The following RELCH variants were observed in gnomAD, a reference collection of about 807,000 sequenced individuals.
RELCH encodes the protein RAB11-binding protein RELCH.
In RELCH, 41 loss-of-function variants were observed where a neutral mutation model predicts 150.3. The observed-to-expected ratio is 0.27, with a 90% CI of 0.21 to 0.35. The LOEUF (loss-of-function observed/expected upper bound fraction) is 0.35, where lower values mean the gene tolerates loss of function less well. Among genes scored for constraint, RELCH ranks in the 10% least tolerant of loss-of-function variants. The probability of loss-of-function intolerance (pLI) is 1.00; values close to 1 mark genes in which losing one functional copy is unlikely to be tolerated. For synonymous variants in RELCH, 478 were observed against 531.8 expected, an observed-to-expected ratio of 0.90 and a Z score of 1.39; for missense variants, 1,092 against 1,467.8, an observed-to-expected ratio of 0.74 and a Z score of 4.18.
chr18:62,208,536 G>A (rs575073032), intron 1 of RELCH, among the ~76,000 whole-genome samples: 2 of 152,100 alleles, frequency 1.3e-5, no homozygotes, highest in African/African-American at 2.4e-5. Context: ...GTTCGGGGGT[G>A]CATGTGCAGG....
At chr18:62,235,782 G>C (rs1180558556) in intron 10 of RELCH, among the ~76,000 whole-genome samples, 1 of 151,940 alleles carries the variant, frequency 6.6e-6, no homozygotes, top group African/African-American at 2.4e-5. Flanking sequence ...AACAACACTG[G>C]TCATTGTGTG....
At chr18:62,217,113 T>C (rs1275366523) in intron 2 of RELCH, among the ~76,000 whole-genome samples, 1 of 152,040 alleles carries the variant, frequency 6.6e-6, no homozygotes, top group Non-Finnish European at 1.5e-5. Flanking sequence ...ATATTTAATC[T>C]AAAAATAAAA....
At chr18:62,245,629 A>G (rs2042369899) in intron 11 of RELCH, among the ~76,000 whole-genome samples, 1 of 152,278 alleles carries the variant, frequency 6.6e-6, no homozygotes, top group East Asian at 1.9e-4. Flanking sequence ...GTCCGTCTCA[A>G]AAAAAACAAA....
At chr18:62,198,195 G>A (rs2039175990) in intron 1 of RELCH, among the ~76,000 whole-genome samples, 1 of 152,194 alleles carries the variant, frequency 6.6e-6, no homozygotes, top group Non-Finnish European at 1.5e-5. Context: ...TGTGATTGTA[G>A]GATATCTGGG....
At position 62,274,039 on chromosome 18, in the gene RELCH, A is replaced by G. The variant is rs766319007; in HGVS notation, c.2820A>G (p.Leu940=). 1 of 1,613,268 alleles carries G rather than the reference A, an allele frequency of 6.2e-7. No individual in the cohort carries two copies. Among genetic ancestry groups the G allele is most frequent in the South Asian group, 1.1e-5 (1 of 91,052 alleles). The change falls in exon 21 of 29, where the codon TTA becomes TTG. Residue 940 remains leucine (L), a synonymous_variant. Transcript: ENST00000644646. ...FLEDVMTLLS[L]SHAPLDSLKA... is the part of the protein sequence containing the mutation. ...AAGATGTAATGACGCTGCTTTCATT[A>G]TCTCATGCTCCTCTTGATAGCCTGA...
intron 10 of RELCH, among the ~76,000 whole-genome samples, chr18:62,240,891 C>T (rs1341909789): frequency 6.6e-6 from 1 of 151,862 alleles, no homozygotes; most frequent in Non-Finnish European, 1.5e-5. Context: ...TTGTGGAGTT[C>T]TAAATAAGGA....
chr18:62,286,729 T>G (rs900935938), intron 25 of RELCH, among the ~76,000 whole-genome samples: 2 of 152,194 alleles, frequency 1.3e-5, no homozygotes, highest in African/African-American at 4.8e-5. Flanking sequence ...AGGTGCTCAT[T>G]GCTACTGAAT....
intron 25 of RELCH, among the ~76,000 whole-genome samples, chr18:62,283,471 G>A (rs766782687): frequency 6.6e-6 from 1 of 152,118 alleles, no homozygotes; most frequent in Non-Finnish European, 1.5e-5. Context: ...TTAGTTTCTA[G>A]TACATTATTT....
intron 10 of RELCH, among the ~76,000 whole-genome samples, chr18:62,241,685 T>C (rs1213774344): frequency 6.6e-6 from 1 of 152,146 alleles, no homozygotes; most frequent in African/African-American, 2.4e-5. Context: ...TTCAGAATTA[T>C]AAGGAAAGTT....
chr18:62,220,795 A>G, intron 2 of RELCH: 1 of 507,228 alleles, frequency 2.0e-6, no homozygotes, highest in Non-Finnish European at 3.5e-6. Flanking sequence ...TCCTTGTCAG[A>G]CAGCTAGAAC....
chr18:62,219,089 A>T (rs2040666916), intron 2 of RELCH, among the ~76,000 whole-genome samples: 3 of 151,936 alleles, frequency 2.0e-5, no homozygotes, highest in Non-Finnish European at 4.4e-5. Context: ...CATGCAGCAG[A>T]GTGAATTCAT....
At chr18:62,212,373 T>TC (rs1428176248) in intron 2 of RELCH, among the ~76,000 whole-genome samples, 2 of 152,192 alleles carry the variant, frequency 1.3e-5, no homozygotes, top group East Asian at 3.8e-4. Context: ...TATCTTGAGC[T>TC]CCATCAAAAT....
At chr18:62,293,707 A>T (rs1461477830) in intron 27 of RELCH, among the ~76,000 whole-genome samples, 8 of 152,064 alleles carry the variant, frequency 5.3e-5, no homozygotes, top group Non-Finnish European at 8.8e-5. Flanking sequence ...AGAAGGAAAA[A>T]TTTTTAAAAT....
chr18:62,199,161 C>T (rs1455646278), intron 1 of RELCH, among the ~76,000 whole-genome samples: 2 of 150,620 alleles, frequency 1.3e-5, no homozygotes, highest in African/African-American at 4.9e-5. Context: ...TCTTCTAAAT[C>T]CTGTGCATCC....
chr18:62,218,637 T>C (rs2040632662), intron 2 of RELCH, among the ~76,000 whole-genome samples: 1 of 151,962 alleles, frequency 6.6e-6, no homozygotes, highest in Non-Finnish European at 1.5e-5. Flanking sequence ...TATACTGACT[T>C]TTAAGTGTTA....
rs1372618224 is a variant in RELCH at position 62,308,096 on chromosome 18, TG to T, written c.*2567del. ...TCACTACTATACACTATAATTCTAA[TG>T]GGGGTCTCAAGTCAAGGTGCTATCA... On this transcript the variant is annotated 3_prime_UTR_variant, in exon 29 of 29. Coordinates refer to ENST00000644646, the MANE Select transcript of RELCH (RefSeq NM_001346231.2). The T allele has an allele frequency of 4.6e-5, 7 of 152,218 alleles. No homozygotes were observed. The highest frequency in any genetic ancestry group is 1.0e-4 in the Non-Finnish European group (7 of 68,034). The allele number at this position is 152,218 out of a possible 1,614,324, so 9.4% of individuals were successfully genotyped here.
At chr18:62,286,764 C>T (rs932371549) in intron 25 of RELCH, among the ~76,000 whole-genome samples, 19 of 152,124 alleles carry the variant, frequency 1.2e-4, no homozygotes, top group Admixed American at 1.0e-3. Context: ...TGGACCATTG[C>T]TTTTATTTAG....
Position 62,287,440 on chromosome 18 carries a change from G to A in RELCH, c.3343G>A (p.Glu1115Lys). 1 of 1,596,642 alleles carries A rather than the reference G, an allele frequency of 6.3e-7. No individual in the cohort carries two copies. The highest frequency in any genetic ancestry group is 8.6e-7 in the Non-Finnish European group (1 of 1,165,406). The change falls in exon 26 of 29, where the codon GAA (glutamate) becomes AAA (lysine). Residue 1115 changes from glutamate to lysine, a missense_variant. This residue lies in a region of RELCH where 707 missense variants were observed against 1,025.4 expected (regional missense o/e 0.69). Coordinates refer to ENST00000644646, the MANE Select transcript of RELCH (RefSeq NM_001346231.2). Reference protein sequence around the residue: ...KRLDIATHLFEAYSALSCCFI... With the variant: ...KRLDIATHLFKAYSALSCCFI... ...ACTGGACATTGCTACGCATCTTTTTGAAGCCTACAGTGCACTTTCCTGTTG... is the reference window on the plus strand; with the variant it reads ...ACTGGACATTGCTACGCATCTTTTTAAAGCCTACAGTGCACTTTCCTGTTG...
intron 27 of RELCH, 111 bp downstream of exon 27, chr18:62,291,742 C>T: frequency 1.5e-6 from 1 of 673,238 alleles, no homozygotes; most frequent in South Asian, 1.9e-5. Flanking sequence ...TTAAATCTAG[C>T]TCAATGTCAT....
Sources: allele counts gnomAD v4.1 joint callset (sites outside exome capture counted in the v4.1 genomes callset), GRCh38; gene constraint gnomAD v4.1.1; regional missense constraint gnomAD v4.1.1; transcripts MANE v1.5; gene names NCBI Gene and HGNC (gene_info 2026-07-23, HGNC 2026-07-21).